Variants in AKAP11 observed in about 807,000 individuals in gnomAD.
The protein encoded by AKAP11 is A-kinase anchor protein 11.
A neutral mutation model predicts 146.1 loss-of-function variants in AKAP11; 36 were observed. That is an observed-to-expected ratio of 0.25 (90% CI 0.19 to 0.33). AKAP11 has a LOEUF of 0.33. AKAP11 is among the 10% of genes least tolerant of loss of function. AKAP11 has a pLI of 1.00. For synonymous variants in AKAP11, 780 were observed against 786.5 expected (o/e 0.99, Z 0.14); for missense variants, 2,201 against 2,197.0 (o/e 1.00, Z -0.04).
upstream of AKAP11, among the ~76,000 whole-genome samples, chr13:42,271,642 G>A (rs1958769493): frequency 6.6e-6 from 1 of 152,210 alleles, no homozygotes; most frequent in Non-Finnish European, 1.5e-5. Flanking sequence ...GGGGTCGAGG[G>A]AAAAGAGGCA....
rs776428859 is a variant in AKAP11, at chr13:42,303,231, T to C, written c.4485T>C (p.Tyr1495=). 1.2e-6 allele frequency: 2 copies of C among 1,614,080 alleles called. No homozygotes were observed. The highest frequency in any genetic ancestry group is 1.7e-6 in the Non-Finnish European group (2 of 1,180,020). ...TDSCLFEKSG[Y]EEDNECHVTP... ...CTTGCTTGTTTGAAAAATCTGGATA[T>C]GAAGAAGATAATGAGTGTCACGTTA... The change falls in exon 8 of 13, where the codon TAT becomes TAC. Residue 1495 remains tyrosine, a synonymous_variant. Coordinates refer to ENST00000025301, the MANE Select transcript of AKAP11 (RefSeq NM_016248.4).
At chr13:42,292,654 GAAA>G (rs141728219) in intron 4 of AKAP11, among the ~76,000 whole-genome samples, 153 bp downstream of exon 4, 1 of 151,554 alleles carries the variant, frequency 6.6e-6, no homozygotes, top group Non-Finnish European at 1.5e-5. Flanking sequence ...CGGGAGAGGG[GAAA>G]AAAAAGAAGT....
At chr13:42,277,483 G>C (rs947501596) in intron 1 of AKAP11, among the ~76,000 whole-genome samples, 3 of 152,174 alleles carry the variant, frequency 2.0e-5, no homozygotes, top group Non-Finnish European at 4.4e-5. Flanking sequence ...TTCAATACCA[G>C]TGGCTAGTTG....
At chr13:42,312,973 C>T (rs1008003138) in intron 9 of AKAP11, 74 bp from the exon 10 acceptor site, 2 of 1,240,360 alleles carry the variant, frequency 1.6e-6, no homozygotes, top group Non-Finnish European at 2.3e-6. Flanking sequence ...AGGACAGAAG[C>T]TGTTCCGAGG....
upstream of AKAP11, among the ~76,000 whole-genome samples, chr13:42,271,832 C>T (rs758221720): frequency 7.5e-4 from 114 of 151,948 alleles, no homozygotes; most frequent in Non-Finnish European, 1.5e-3. Context: ...GAGAGGCCCC[C>T]TTTAAGTCAT....
intron 9 of AKAP11, among the ~76,000 whole-genome samples, chr13:42,311,253 A>G (rs1960550005): frequency 6.6e-6 from 1 of 152,222 alleles, no homozygotes; most frequent in Admixed American, 6.5e-5. Flanking sequence ...GACATAGGAA[A>G]TATGAAAAGA....
At chr13:42,276,404 G>T (rs79798627) in intron 1 of AKAP11, among the ~76,000 whole-genome samples, 1,917 of 152,054 alleles carry the variant, frequency 0.013, 36 homozygotes, top group African/African-American at 0.044. Flanking sequence ...GTGCTACCAC[G>T]CCTAGCTAAT....
rs747246874 is a variant in AKAP11, at chr13:42,317,533, G to A, written c.5410G>A (p.Gly1804Arg). The change falls in exon 12 of 13, where the codon GGG (glycine) becomes AGG (arginine). Residue 1804 changes from glycine (G) to arginine (R), a missense_variant. Around this residue, in one of 3 missense-constraint regions of AKAP11, gnomAD observed 1,867 missense variants for 1,833.5 expected, o/e 1.02. Coordinates refer to ENST00000025301, the MANE Select transcript of AKAP11 (RefSeq NM_016248.4). ...TGTTTACATTTAAATATTAGGTTTG[G>A]GGCAAGATGGAAAGACACTGCTAAT... ...EEHEDEVEGL[G>R]QDGKTLLITN... 6.2e-7 allele frequency: 1 copy of A among 1,612,470 alleles called. No individual in the cohort carries two copies. The highest frequency in any genetic ancestry group is 1.3e-5 in the African/African-American group (1 of 74,916).
intron 8 of AKAP11, among the ~76,000 whole-genome samples, chr13:42,304,937 G>A (rs1450914359): frequency 6.6e-6 from 1 of 152,100 alleles, no homozygotes; most frequent in East Asian, 1.9e-4. Context: ...TTTTAGTAGA[G>A]ACAGGGTTTC....
rs137984333 is a variant in AKAP11, at chr13:42,298,770, G to C, written c.589G>C (p.Glu197Gln). ...FVTAFEHLEE[E>Q]ETSKPYNDGM... is the part of the protein sequence containing the mutation. ...CACTGCTTTTGAGCACTTAGAAGAGGAAGAGACTTCAAAGCCATACAATGA... is the reference window on the plus strand; with the variant it reads ...CACTGCTTTTGAGCACTTAGAAGAGCAAGAGACTTCAAAGCCATACAATGA... The change falls in exon 7 of 13, where the codon GAA becomes CAA. Residue 197 changes from glutamate (E) to glutamine (Q), a missense_variant. Coordinates refer to ENST00000025301, the MANE Select transcript of AKAP11 (RefSeq NM_016248.4). The C allele has an allele frequency of 2.3e-4, 361 of 1,590,328 alleles. No individual in the cohort carries two copies. The highest frequency in any genetic ancestry group is 3.0e-4 in the Non-Finnish European group (349 of 1,173,302).
chr13:42,292,253 G>A lies in AKAP11; in HGVS notation c.52-132G>A, dbSNP rs147195786. The A allele has an allele frequency of 9.5e-3, 4,229 of 443,234 alleles. 34 individuals carry two copies. The highest frequency in any genetic ancestry group is 0.035 in the South Asian group (660 of 19,106). The allele number at this position is 443,234 out of a possible 1,614,324, so 27.5% of individuals were successfully genotyped here. On this transcript the variant is annotated intron_variant, in intron 3 of 12. Transcript: ENST00000025301. Reference sequence around the variant, plus strand: ...TTTCTTCTCAGTGGAATTGAGTTCCGCATTCAGTATCAAAAGGTGCCAGTG... The same window carrying A: ...TTTCTTCTCAGTGGAATTGAGTTCCACATTCAGTATCAAAAGGTGCCAGTG...
In AKAP11 at chr13:42,303,458, A is replaced by G; in HGVS notation, c.4712A>G (p.Asp1571Gly). The G allele has an allele frequency of 6.2e-7, 1 of 1,614,202 alleles. No homozygotes were observed. ...GTGTCTGAGACCACAAAATCAGCAG[A>G]CAGGGTCACTTATGCAGAAAAGTTG... ...FRVSETTKSA[D>G]RVTYAEKLSP... Residue 1571 changes from aspartate (D) to glycine (G), a missense_variant, in exon 8 of 13, where the codon GAC (aspartate) becomes GGC (glycine). Asp to Gly is a moderately conservative substitution (Grantham distance 94, BLOSUM62 -1). Around this residue, in one of 3 missense-constraint regions of AKAP11, gnomAD observed 1,867 missense variants for 1,833.5 expected, o/e 1.02. Transcript: ENST00000025301.
Position 42,292,372 on chromosome 13 carries a change from C to T in AKAP11, c.52-13C>T. 1.4e-6 allele frequency: 2 copies of T among 1,480,186 alleles called. No homozygotes were observed. Among genetic ancestry groups the T allele is most frequent in the Non-Finnish European group, 1.8e-6 (2 of 1,081,738 alleles). The allele number at this position is 1,480,186 out of a possible 1,614,324, so 91.7% of individuals were successfully genotyped here. A position where few individuals can be genotyped will look rare whatever the true frequency, so the allele number is the denominator to read the frequency against. ...AATAAATTTGAAATATCTTTGCTTTCTTTCCCCTGCAGAGCTTCAGTGAAG... is the reference window on the plus strand; with the variant it reads ...AATAAATTTGAAATATCTTTGCTTTTTTTCCCCTGCAGAGCTTCAGTGAAG... On this transcript the variant is annotated splice_polypyrimidine_tract_variant and intron_variant, in intron 3 of 12. Coordinates refer to ENST00000025301, the MANE Select transcript of AKAP11 (RefSeq NM_016248.4).
chr13:42,318,003 A>G (rs553498544), intron 12 of AKAP11, among the ~76,000 whole-genome samples: 256 of 152,358 alleles, frequency 1.7e-3, no homozygotes, highest in Non-Finnish European at 3.0e-3. Context: ...TCTCAAAGGT[A>G]GATGCTATTA....
chr13:42,303,472 G>A lies in AKAP11; in HGVS notation c.4726G>A (p.Ala1576Thr). Residue 1576 changes from alanine (A) to threonine (T), a missense_variant, in exon 8 of 13, where the codon GCA becomes ACA. Around this residue, in one of 3 missense-constraint regions of AKAP11, gnomAD observed 1,867 missense variants for 1,833.5 expected, o/e 1.02. Coordinates refer to ENST00000025301, the MANE Select transcript of AKAP11 (RefSeq NM_016248.4). ...AAAATCAGCAGACAGGGTCACTTAT[G>A]CAGAAAAGTTGTCACCTCTTACAGG... is the stretch of plus-strand genomic sequence containing the variant. ...TTKSADRVTY[A>T]EKLSPLTGQA... 1 of 1,614,168 alleles carries A rather than the reference G, an allele frequency of 6.2e-7. No homozygotes were observed. The highest frequency in any genetic ancestry group is 8.5e-7 in the Non-Finnish European group (1 of 1,180,020).
chr13:42,282,050 C>T (rs1959074477), intron 1 of AKAP11, among the ~76,000 whole-genome samples: 1 of 150,440 alleles, frequency 6.6e-6, no homozygotes, highest in Non-Finnish European at 1.5e-5. Context: ...CTCACTGCAA[C>T]CTCCGTCTCT....
chr13:42,301,266 A>G lies in AKAP11; in HGVS notation c.2520A>G (p.Ser840=). The G allele has an allele frequency of 1.2e-6, 2 of 1,613,962 alleles. No homozygotes were observed. The highest frequency in any genetic ancestry group is 2.2e-5 in the South Asian group (2 of 91,068). ...GTCTCAGAAATATTTGTTTACCTTC[A>G]GAACACAATCCAGGTAATCAGAATG... is the stretch of plus-strand genomic sequence containing the variant. ...AACLRNICLP[S]EHNPGNQNDF... is the part of the protein sequence containing the mutation. Residue 840 remains serine (S), a synonymous_variant, in exon 8 of 13, where the codon TCA becomes TCG. Coordinates refer to ENST00000025301, the MANE Select transcript of AKAP11 (RefSeq NM_016248.4).
chr13:42,302,378 C>T lies in AKAP11; in HGVS notation c.3632C>T (p.Thr1211Ile). ...ALATHILSLA[T>I]EMAASHLDNK... Reference sequence around the variant, plus strand: ...GCTACACACATCCTTTCTCTTGCAACTGAAATGGCAGCTTCCCATTTAGAT... The same window carrying T: ...GCTACACACATCCTTTCTCTTGCAATTGAAATGGCAGCTTCCCATTTAGAT... Residue 1211 changes from threonine to isoleucine, a missense_variant, in exon 8 of 13, where the codon ACT becomes ATT. Thr to Ile is a moderately conservative substitution (Grantham distance 89, BLOSUM62 -1). This residue lies in a region of AKAP11 where 1,867 missense variants were observed against 1,833.5 expected (regional missense o/e 1.02). Coordinates refer to ENST00000025301, the MANE Select transcript of AKAP11 (RefSeq NM_016248.4). 6.2e-7 allele frequency: 1 copy of T among 1,614,106 alleles called. No homozygotes were observed. The highest frequency in any genetic ancestry group is 1.1e-5 in the South Asian group (1 of 91,046).
At chr13:42,296,580 T>G (rs1224870777) in intron 5 of AKAP11, among the ~76,000 whole-genome samples, 1 of 152,078 alleles carries the variant, frequency 6.6e-6, no homozygotes, top group Non-Finnish European at 1.5e-5. Flanking sequence ...TCATTAAAAT[T>G]ATCAGTTAAA....
Sources: allele counts gnomAD v4.1 joint callset (sites outside exome capture counted in the v4.1 genomes callset), GRCh38; gene constraint gnomAD v4.1.1; regional missense constraint gnomAD v4.1.1; transcripts MANE v1.5; gene names NCBI Gene and HGNC (gene_info 2026-07-23, HGNC 2026-07-21).